C1QTNF3: variants seen among roughly 807,000 people sequenced by gnomAD.
C1QTNF3 encodes C1q and TNF related 3.
C1QTNF3 carries 26 observed loss-of-function variants against 32.6 expected under a neutral mutation model. The observed-to-expected ratio is 0.80, with a 90% confidence interval of 0.58 to 1.11. The LOEUF (loss-of-function observed/expected upper bound fraction) is 1.11. Ranked by LOEUF, C1QTNF3 falls within the 50% of genes least tolerant of loss-of-function variation. The pLI is 0.00. For missense variants in C1QTNF3, 362 were observed against 398.2 expected (o/e 0.91, Z 0.77); for synonymous variants, 155 against 146.0 (o/e 1.06, Z -0.44).
chr5:34,111,754 T>G, the C1QTNF3 span, among the ~76,000 whole-genome samples: 1 of 152,264 alleles, frequency 6.6e-6, no homozygotes, highest in Non-Finnish European at 1.5e-5. Context: ...TGGGTATGGC[T>G]TTGTTATCCA....
chr5:34,194,684 C>T, the C1QTNF3 span, among the ~76,000 whole-genome samples: 9 of 152,182 alleles, frequency 5.9e-5, no homozygotes, highest in Non-Finnish European at 1.2e-4. Context: ...AGTCTTCCCC[C>T]ATTAGAATGA....
At chr5:34,045,882 C>T (rs189585035), upstream of C1QTNF3, among the ~76,000 whole-genome samples, 12 of 152,146 alleles carry the variant, frequency 7.9e-5, no homozygotes, top group African/African-American at 2.9e-4. Flanking sequence ...ATTATGTACC[C>T]CCAAAAGAAA....
intron 4 of C1QTNF3, chr5:34,024,226 A>G (rs1189301147): frequency 1.3e-5 from 6 of 472,436 alleles, no homozygotes; most frequent in East Asian, 1.1e-4. Context: ...ATAAGACTTA[A>G]AAGTCTTTAA....
the C1QTNF3 span, among the ~76,000 whole-genome samples, chr5:34,057,256 G>A: frequency 6.6e-6 from 1 of 152,134 alleles, no homozygotes; most frequent in Non-Finnish European, 1.5e-5. Context: ...GGGATGTTTG[G>A]AACCCTAGAA....
Position 34,043,108 on chromosome 5 carries a change from G to A in C1QTNF3, c.18C>T (p.Leu6=). 5 of 1,612,772 alleles carry A rather than the reference G, an allele frequency of 3.1e-6. No individual in the cohort carries two copies. The highest frequency in any genetic ancestry group is 2.5e-6 in the Non-Finnish European group (3 of 1,179,876). MLWRQ[L]IYWQLLALFF... ...ACAAAGCCAGCAGTTGCCAATAGAT[G>A]AGCTGCCTCCAAAGCATGATTCTCA... The change falls in exon 1 of 6, where the codon CTC becomes CTT. Residue 6 remains leucine (L), a synonymous_variant. Transcript: ENST00000382065.
the C1QTNF3 span, among the ~76,000 whole-genome samples, chr5:34,232,755 T>C: frequency 6.6e-6 from 1 of 152,130 alleles, no homozygotes; most frequent in Non-Finnish European, 1.5e-5. Flanking sequence ...TCTTCATAAA[T>C]TACTCAGTCT....
intron 4 of C1QTNF3, among the ~76,000 whole-genome samples, chr5:34,025,827 A>G (rs1754445663): frequency 1.3e-5 from 2 of 152,254 alleles, no homozygotes; most frequent in African/African-American, 2.4e-5. Context: ...CATAGATAGC[A>G]TTTAACAGAA....
At chr5:34,174,102 G>C in the C1QTNF3 span, among the ~76,000 whole-genome samples, 1 of 152,216 alleles carries the variant, frequency 6.6e-6, no homozygotes, top group East Asian at 1.9e-4. Flanking sequence ...CTGTCACCCA[G>C]GCGGGAGTGC....
the C1QTNF3 span, among the ~76,000 whole-genome samples, chr5:34,240,399 A>G: frequency 3.0e-4 from 45 of 151,588 alleles, 1 homozygote; most frequent in Admixed American, 2.9e-3. Flanking sequence ...GAAAAAAAAG[A>G]GAAGATCTAA....
At chr5:34,140,662 T>C in the C1QTNF3 span, among the ~76,000 whole-genome samples, 1 of 152,214 alleles carries the variant, frequency 6.6e-6, no homozygotes, top group African/African-American at 2.4e-5. Context: ...AGTCTGCATT[T>C]TGAAGAGGTG....
the C1QTNF3 span, among the ~76,000 whole-genome samples, chr5:34,145,678 C>CAAAAAAAAAAAAAAAAAAAAA: frequency 6.2e-5 from 6 of 96,944 alleles, no homozygotes; most frequent in East Asian, 3.2e-4. Context: ...AGAGACACAG[C>CAAAAAAAAAAAAAAAAAAAAA]AAAAAAAAAA....
At chr5:34,046,860 T>A (rs139617747), upstream of C1QTNF3, among the ~76,000 whole-genome samples, 13 of 152,220 alleles carry the variant, frequency 8.5e-5, no homozygotes, top group Non-Finnish European at 1.5e-4. Flanking sequence ...CTTAAGTTCA[T>A]GGGCAGTAAG....
At chr5:34,032,277 C>T (rs929848311) in intron 3 of C1QTNF3, among the ~76,000 whole-genome samples, 7 of 152,034 alleles carry the variant, frequency 4.6e-5, no homozygotes, top group Non-Finnish European at 8.8e-5. Flanking sequence ...AGTTTAAGAT[C>T]GTGTTGGCAA....
the C1QTNF3 span, among the ~76,000 whole-genome samples, chr5:34,092,315 T>C: frequency 1.3e-5 from 2 of 151,722 alleles, no homozygotes; most frequent in African/African-American, 2.4e-5. Context: ...ATGGAAGACA[T>C]GGGAAAAAAT....
the C1QTNF3 span, among the ~76,000 whole-genome samples, chr5:34,232,585 T>C: frequency 2.6e-5 from 4 of 151,964 alleles, no homozygotes; most frequent in African/African-American, 4.8e-5. Flanking sequence ...GGTTTAAAAG[T>C]GTGTGGCACT....
At chr5:34,229,322 C>A in the C1QTNF3 span, among the ~76,000 whole-genome samples, 1 of 151,886 alleles carries the variant, frequency 6.6e-6, no homozygotes, top group Admixed American at 6.6e-5. Context: ...CATTTTATAT[C>A]CCCAAAAGTG....
chr5:34,225,764 T>C, the C1QTNF3 span, among the ~76,000 whole-genome samples: 12 of 151,786 alleles, frequency 7.9e-5, no homozygotes, highest in East Asian at 1.4e-3. Context: ...TACATCACAT[T>C]ATACCCTATC....
At chr5:34,119,032 G>C in the C1QTNF3 span, among the ~76,000 whole-genome samples, 4 of 151,926 alleles carry the variant, frequency 2.6e-5, no homozygotes, top group Non-Finnish European at 1.5e-5. Flanking sequence ...CCAAAATTCA[G>C]AGCAACAAAA....
Position 34,023,917 on chromosome 5 carries a change from G to C in C1QTNF3, c.792C>G (p.Ser264Arg). The C allele has an allele frequency of 6.2e-7, 1 of 1,613,650 alleles. No homozygotes were observed. The highest frequency in any genetic ancestry group is 8.5e-7 in the Non-Finnish European group (1 of 1,179,588). Residue 264 changes from serine to arginine, a missense_variant, in exon 5 of 6, where the codon AGC becomes AGG. Physicochemically the swap from Ser to Arg is moderately radical, Grantham distance 110. Coordinates refer to ENST00000382065, the MANE Select transcript of C1QTNF3 (RefSeq NM_181435.6). ...CAGAAAAGACCACCCACCTGTACAT[G>C]CTGAAGACTGTGTTGCCATTGTGCA... Reference protein sequence around the residue: ...YLMHNGNTVFSMYSYEMKGKS... With the variant: ...YLMHNGNTVFRMYSYEMKGKS...
Sources: gnomAD v4.1 joint callset for allele counts (sites outside exome capture counted in the v4.1 genomes callset) on GRCh38, gnomAD v4.1.1 for gene constraint, MANE v1.5 for transcripts, NCBI Gene and HGNC (gene_info 2026-07-23, HGNC 2026-07-21) for gene names.